The following MAP2K5 variants were observed in gnomAD, a reference collection of about 807,000 sequenced individuals.
The protein encoded by MAP2K5 is mitogen-activated protein kinase kinase 5.
In MAP2K5, 49 loss-of-function variants were observed where a neutral mutation model predicts 83.1. The observed-to-expected ratio is 0.59, with a 90% CI of 0.47 to 0.75. The LOEUF (loss-of-function observed/expected upper bound fraction) is 0.75, where lower values mean the gene tolerates loss of function less well. Among genes scored for constraint, MAP2K5 ranks in the 30% least tolerant of loss-of-function variants. The pLI, the probability that MAP2K5 is intolerant of heterozygous loss-of-function variation, is 0.00. For missense variants in MAP2K5, 457 were observed against 557.5 expected, an observed-to-expected ratio of 0.82 and a Z score of 1.82; for synonymous variants, 202 against 191.8, an observed-to-expected ratio of 1.05 and a Z score of -0.44.
Position 67,802,707 on chromosome 15 carries a change from G to A in MAP2K5, c.1243-3939G>A, listed in dbSNP as rs1051716118. On this transcript the variant is annotated intron_variant, in intron 21 of 21. Coordinates refer to ENST00000178640, the MANE Select transcript of MAP2K5 (RefSeq NM_145160.3). The surrounding 1 kb of genome is among the most constrained non-coding windows in gnomAD (Gnocchi z 5.0). Reference sequence around the variant, plus strand: ...GAAGGACGGAGGCCTAGATGCCTGGGGCGGTCACCGTGGGTGGAAGATGCT... The same window carrying A: ...GAAGGACGGAGGCCTAGATGCCTGGAGCGGTCACCGTGGGTGGAAGATGCT... Among the ~76,000 whole-genome samples, 2 of 152,236 alleles carry A rather than the reference G, an allele frequency of 1.3e-5. No homozygotes were observed.
chr15:67,589,956 A>C (rs1679838045), intron 6 of MAP2K5, among the ~76,000 whole-genome samples: 1 of 152,198 alleles, frequency 6.6e-6, no homozygotes, highest in Non-Finnish European at 1.5e-5. Context: ...ATTTAGCACA[A>C]TGCCTAGCAC....
At chr15:67,683,767 A>G (rs1466425582) in intron 13 of MAP2K5, among the ~76,000 whole-genome samples, 11 of 152,232 alleles carry the variant, frequency 7.2e-5, no homozygotes. Context: ...TCTCAAAAAC[A>G]AAACAAAACA....
intron 17 of MAP2K5, among the ~76,000 whole-genome samples, chr15:67,730,949 A>G (rs1182614671): frequency 6.6e-6 from 1 of 152,190 alleles, no homozygotes; most frequent in Non-Finnish European, 1.5e-5. Flanking sequence ...CATCTCTAAA[A>G]TGAGGATTCT....
At position 67,785,367 on chromosome 15, in the gene MAP2K5, A is replaced by G. The variant is rs1308248618; in HGVS notation, c.1242+12615A>G. Among the ~76,000 whole-genome samples, 2 of 152,192 alleles carry G rather than the reference A, an allele frequency of 1.3e-5. No homozygotes were observed. The highest frequency in any genetic ancestry group is 4.8e-5 in the African/African-American group (2 of 41,438). ...GGAGCAAAACGTTGTGAGCGAAGAAAGCTGTTTGCGGTTCACATTGCAGCA... is the reference window on the plus strand; with the variant it reads ...GGAGCAAAACGTTGTGAGCGAAGAAGGCTGTTTGCGGTTCACATTGCAGCA... On this transcript the variant is annotated intron_variant, in intron 21 of 21. Coordinates refer to ENST00000178640, the MANE Select transcript of MAP2K5 (RefSeq NM_145160.3). The surrounding 1 kb of genome is among the most constrained non-coding windows in gnomAD (Gnocchi z 4.4).
Position 67,786,751 on chromosome 15 carries a change from C to T in MAP2K5, c.1242+13999C>T, listed in dbSNP as rs906157571. On this transcript the variant is annotated intron_variant, in intron 21 of 21. Coordinates refer to ENST00000178640, the MANE Select transcript of MAP2K5 (RefSeq NM_145160.3). The surrounding 1 kb of genome is among the most constrained non-coding windows in gnomAD (Gnocchi z 4.7). ...ACTGAACGCTCTCCACCTCTAGTTG[C>T]TTATCTACAAAAATAGAGTATCGCA... Among the ~76,000 whole-genome samples the T allele has an allele frequency of 2.0e-5, 3 of 152,162 alleles. No homozygotes were observed. Among genetic ancestry groups the T allele is most frequent in the Admixed American group, 1.3e-4 (2 of 15,280 alleles).
intron 3 of MAP2K5, among the ~76,000 whole-genome samples, chr15:67,564,122 G>A (rs1165607466): frequency 2.6e-5 from 4 of 152,192 alleles, no homozygotes; most frequent in Admixed American, 2.0e-4. Flanking sequence ...GGTAGAAAGA[G>A]CATTGGACTG....
rs940798553 is a variant in MAP2K5, at chr15:67,802,885, A to G, written c.1243-3761A>G. 1.3e-5 allele frequency among the ~76,000 whole-genome samples: 2 copies of G among 152,188 alleles called. No individual in the cohort carries two copies. Among genetic ancestry groups the G allele is most frequent in the African/African-American group, 4.8e-5 (2 of 41,456 alleles). On this transcript the variant is annotated intron_variant, in intron 21 of 21. Transcript: ENST00000178640. The surrounding 1 kb of genome is among the most constrained non-coding windows in gnomAD (Gnocchi z 5.0). ...TGTACATTTCACCCAAGCCCAGGGG[A>G]GGGACCAGCCGCAGGGGCTGGAGAC... is the stretch of plus-strand genomic sequence containing the variant.
chr15:67,794,019 A>G lies in MAP2K5; in HGVS notation c.1243-12627A>G, dbSNP rs561116471. 6.6e-6 allele frequency among the ~76,000 whole-genome samples: 1 copy of G among 152,358 alleles called. No individual in the cohort carries two copies. The highest frequency in any genetic ancestry group is 2.4e-5 in the African/African-American group (1 of 41,582). Reference sequence around the variant, plus strand: ...AGCTACCATTAGAAGGAAGCTTGCAACTGAATAACTTGTCTTTCTTAACAG... The same window carrying G: ...AGCTACCATTAGAAGGAAGCTTGCAGCTGAATAACTTGTCTTTCTTAACAG... On this transcript the variant is annotated intron_variant, in intron 21 of 21. Coordinates refer to ENST00000178640, the MANE Select transcript of MAP2K5 (RefSeq NM_145160.3). This position sits in a 1 kb window ranked among gnomAD's most constrained non-coding sequence, Gnocchi z 4.6.
chr15:67,788,781 C>T (rs2090462340), intron 21 of MAP2K5, among the ~76,000 whole-genome samples: 1 of 152,006 alleles, frequency 6.6e-6, no homozygotes, highest in African/African-American at 2.4e-5. Context: ...CGAGACCCGC[C>T]TGGGCAACAT....
At chr15:67,622,353 T>G (rs1327481797) in intron 8 of MAP2K5, among the ~76,000 whole-genome samples, 1 of 152,058 alleles carries the variant, frequency 6.6e-6, no homozygotes, top group Admixed American at 6.6e-5. Context: ...AGTTGAGTAT[T>G]GTGCATAAGG....
intron 8 of MAP2K5, among the ~76,000 whole-genome samples, chr15:67,617,248 T>C (rs1431856390): frequency 1.3e-5 from 2 of 152,190 alleles, no homozygotes; most frequent in Non-Finnish European, 2.9e-5. Flanking sequence ...GCCTCCCCCA[T>C]TCTTTCTTTA....
chr15:67,796,867 A>G (rs2090613876), intron 21 of MAP2K5, among the ~76,000 whole-genome samples: 1 of 152,218 alleles, frequency 6.6e-6, no homozygotes, highest in Non-Finnish European at 1.5e-5. Flanking sequence ...CTTAAGGGAC[A>G]TTCAAGCTCC....
intron 9 of MAP2K5, among the ~76,000 whole-genome samples, chr15:67,645,055 C>T (rs1277055235): frequency 2.6e-5 from 4 of 151,782 alleles, no homozygotes; most frequent in Non-Finnish European, 4.4e-5. Flanking sequence ...GGCTGAGACA[C>T]GAGAATCGCT....
At chr15:67,598,752 C>T (rs1280156905) in intron 7 of MAP2K5, among the ~76,000 whole-genome samples, 1 of 152,198 alleles carries the variant, frequency 6.6e-6, no homozygotes, top group Non-Finnish European at 1.5e-5. Flanking sequence ...TGACTGCAGA[C>T]TGTGGCCCCT....
At chr15:67,602,149 C>T (rs979307399) in intron 8 of MAP2K5, among the ~76,000 whole-genome samples, 8 of 152,228 alleles carry the variant, frequency 5.3e-5, no homozygotes, top group Admixed American at 6.5e-5. Context: ...TTCCTTCCCA[C>T]GCAACCTCCA....
At chr15:67,613,377 G>T (rs1317246725) in intron 8 of MAP2K5, among the ~76,000 whole-genome samples, 2 of 152,162 alleles carry the variant, frequency 1.3e-5, no homozygotes, top group Non-Finnish European at 2.9e-5. Context: ...TTACTTGCCA[G>T]CCAAGGAATG....
At chr15:67,579,599 C>G (rs2085135013) in intron 3 of MAP2K5, among the ~76,000 whole-genome samples, 1 of 152,062 alleles carries the variant, frequency 6.6e-6, no homozygotes, top group African/African-American at 2.4e-5. Flanking sequence ...CAACATCCAC[C>G]TTCACTTTAT....
intron 1 of MAP2K5, among the ~76,000 whole-genome samples, chr15:67,546,983 T>G (rs2140939582): frequency 6.6e-6 from 1 of 152,152 alleles, no homozygotes; most frequent in South Asian, 2.1e-4. Context: ...GGAGAATCTC[T>G]TGAACCTAGA....
intron 8 of MAP2K5, chr15:67,628,547 A>G: frequency 1.0e-6 from 1 of 971,550 alleles, no homozygotes; most frequent in Non-Finnish European, 1.6e-6. Flanking sequence ...TATTTTGAAT[A>G]ATATGGAAAA....
Sources: allele counts gnomAD v4.1 joint callset (sites outside exome capture counted in the v4.1 genomes callset), GRCh38; gene constraint gnomAD v4.1.1; non-coding constraint Gnocchi (gnomAD v3.1); transcripts MANE v1.5; gene names NCBI Gene and HGNC (gene_info 2026-07-23, HGNC 2026-07-21).